The following FRMD6 variants were observed in gnomAD, a reference collection of about 807,000 sequenced individuals.
The protein encoded by FRMD6 is FERM domain-containing protein 6.
FRMD6 carries 37 observed loss-of-function variants against 73.2 expected under a neutral mutation model. The ratio of observed to expected loss-of-function variants is 0.51; its 90% CI spans 0.39 to 0.66. The LOEUF (loss-of-function observed/expected upper bound fraction) is 0.66. Among genes scored for constraint, FRMD6 ranks in the 30% least tolerant of loss-of-function variants. FRMD6 has a pLI of 0.00. For synonymous variants in FRMD6, 273 were observed against 282.2 expected (o/e 0.97, Z 0.33); for missense variants, 714 against 780.5 (o/e 0.91, Z 1.02).
At chr14:51,707,922 C>T (rs984708781) in intron 6 of FRMD6, among the ~76,000 whole-genome samples, 156 bp from the exon 7 acceptor site, 3 of 152,044 alleles carry the variant, frequency 2.0e-5, no homozygotes, top group Non-Finnish European at 4.4e-5. Flanking sequence ...AGCCTAGTAA[C>T]ATAACAGATG....
intron 1 of FRMD6, among the ~76,000 whole-genome samples, chr14:51,499,870 C>T (rs1398177227): frequency 6.6e-6 from 1 of 151,846 alleles, no homozygotes; most frequent in African/African-American, 2.4e-5. Context: ...TCATTTGATT[C>T]TTATGTCTGA....
chr14:51,712,839 T>A (rs1367818035), intron 9 of FRMD6, among the ~76,000 whole-genome samples: 1 of 152,234 alleles, frequency 6.6e-6, no homozygotes, highest in African/African-American at 2.4e-5. Context: ...CCGTAGCACA[T>A]GACCCTAAGT....
intron 5 of FRMD6, chr14:51,704,532 T>G: frequency 2.0e-6 from 1 of 504,058 alleles, no homozygotes. Flanking sequence ...TTATTTTTAT[T>G]GTCTGGATAG....
intron 2 of FRMD6, chr14:51,637,268 A>C (rs970909216): frequency 1.3e-5 from 2 of 152,110 alleles, no homozygotes; most frequent in East Asian, 3.8e-4. Context: ...ATAAATCTTC[A>C]TTTTTCTTTA....
At chr14:51,495,890 T>A (rs1883263499) in intron 1 of FRMD6, among the ~76,000 whole-genome samples, 1 of 152,166 alleles carries the variant, frequency 6.6e-6, no homozygotes, top group African/African-American at 2.4e-5. Flanking sequence ...GACCAAGATG[T>A]GAACTATATT....
chr14:51,549,657 G>T (rs779655755), intron 1 of FRMD6, among the ~76,000 whole-genome samples: 1 of 132,022 alleles, frequency 7.6e-6, no homozygotes, highest in Non-Finnish European at 1.6e-5. Flanking sequence ...GTGCAGTGGC[G>T]CACTCTCAGC....
At chr14:51,603,280 A>C (rs1890113469) in intron 2 of FRMD6, among the ~76,000 whole-genome samples, 1 of 152,230 alleles carries the variant, frequency 6.6e-6, no homozygotes, top group Non-Finnish European at 1.5e-5. Context: ...CTTTGTTATA[A>C]CTGCCTGAAT....
chr14:51,506,964 C>T (rs1334211740), intron 1 of FRMD6, among the ~76,000 whole-genome samples: 2 of 152,094 alleles, frequency 1.3e-5, no homozygotes, highest in African/African-American at 4.8e-5. Context: ...AAAATATTAG[C>T]ATTAAACAAT....
At chr14:51,549,996 T>C (rs1252205869) in intron 1 of FRMD6, among the ~76,000 whole-genome samples, 4 of 152,224 alleles carry the variant, frequency 2.6e-5, no homozygotes, top group Non-Finnish European at 1.5e-5. Context: ...TTTTTAATTT[T>C]TGCATATTTT....
chr14:51,506,517 G>C (rs1883971938), intron 1 of FRMD6, among the ~76,000 whole-genome samples: 2 of 152,220 alleles, frequency 1.3e-5, no homozygotes, highest in Admixed American at 6.5e-5. Context: ...CAGACTGGAA[G>C]AGATTAAAAA....
the FRMD6 span, among the ~76,000 whole-genome samples, chr14:51,480,624 G>C: frequency 6.6e-6 from 1 of 152,114 alleles, no homozygotes; most frequent in East Asian, 1.9e-4. Flanking sequence ...ACATTGATTA[G>C]GGGAGTCTTA....
chr14:51,613,362 C>A (rs962058816), intron 2 of FRMD6, among the ~76,000 whole-genome samples: 1 of 151,996 alleles, frequency 6.6e-6, no homozygotes. Flanking sequence ...TTCAAAGATG[C>A]CTGTGACCCA....
At chr14:51,470,508 C>A in the FRMD6 span, among the ~76,000 whole-genome samples, 42,067 of 151,500 alleles carry the variant, frequency 0.28, 6,380 homozygotes, top group African/African-American at 0.38. Context: ...TCAAAAAAAA[C>A]CAAAAAAAAA....
At chr14:51,591,494 T>C (rs1414848996) in intron 2 of FRMD6, among the ~76,000 whole-genome samples, 1 of 152,206 alleles carries the variant, frequency 6.6e-6, no homozygotes, top group Non-Finnish European at 1.5e-5. Context: ...TACAAAGAAA[T>C]AAAACACTTT....
At chr14:51,472,575 T>C in the FRMD6 span, among the ~76,000 whole-genome samples, 2 of 152,336 alleles carry the variant, frequency 1.3e-5, no homozygotes, top group Non-Finnish European at 2.9e-5. Context: ...AGTGCTGGGA[T>C]TACAGGTGTG....
At position 51,695,110 on chromosome 14, in the gene FRMD6, G is replaced by T. The variant is rs947381324; in HGVS notation, c.100-3032G>T. Among the ~76,000 whole-genome samples, 29 of 148,736 alleles carry T rather than the reference G, an allele frequency of 1.9e-4. 2 individuals are homozygous for T. Among genetic ancestry groups the T allele is most frequent in the African/African-American group, 7.3e-4 (28 of 38,238 alleles). On this transcript the variant is annotated intron_variant, in intron 2 of 13. Coordinates refer to ENST00000344768, the MANE Select transcript of FRMD6 (RefSeq NM_001267046.2). ...AAACAGTTTATTTCCTATACATTTA[G>T]TTTGTGGTTTGGAATTTTAACTTCT... is the stretch of plus-strand genomic sequence containing the variant.
the FRMD6 span, among the ~76,000 whole-genome samples, chr14:51,433,782 A>G: frequency 6.6e-6 from 1 of 152,222 alleles, no homozygotes; most frequent in Non-Finnish European, 1.5e-5. Flanking sequence ...TCTTAGAACT[A>G]TGGGAATGTC....
chr14:51,588,963 C>T (rs541605065), intron 2 of FRMD6, among the ~76,000 whole-genome samples: 16 of 152,338 alleles, frequency 1.1e-4, no homozygotes, highest in Admixed American at 3.3e-4. Context: ...AAGCCCTAAA[C>T]TGTCCAGGCT....
At chr14:51,412,249 A>T in the FRMD6 span, among the ~76,000 whole-genome samples, 4 of 152,004 alleles carry the variant, frequency 2.6e-5, no homozygotes, top group African/African-American at 4.8e-5. Flanking sequence ...TCTGCATTAC[A>T]TTTTTTGTTC....
Sources: allele counts gnomAD v4.1 joint callset (sites outside exome capture counted in the v4.1 genomes callset), GRCh38; gene constraint gnomAD v4.1.1; transcripts MANE v1.5; gene names NCBI Gene and HGNC (gene_info 2026-07-23, HGNC 2026-07-21).